The following PLCH2 variants were observed in gnomAD, a reference collection of about 807,000 sequenced individuals.
The protein encoded by PLCH2 is 1-phosphatidylinositol 4,5-bisphosphate phosphodiesterase eta-2.
In PLCH2, 98 loss-of-function variants were observed where a neutral mutation model predicts 134.7. The observed-to-expected ratio is 0.73, with a 90% CI of 0.62 to 0.86. The LOEUF (loss-of-function observed/expected upper bound fraction) is 0.86. Among genes scored for constraint, PLCH2 ranks in the 40% least tolerant of loss-of-function variants. PLCH2 has a pLI of 0.00. For synonymous variants in PLCH2, 974 were observed against 827.5 expected (o/e 1.18, Z -3.04); for missense variants, 1,994 against 1,986.6 (o/e 1.00, Z -0.07).
At chr1:2,420,368 GA>G in the PLCH2 span, among the ~76,000 whole-genome samples, 246 of 152,346 alleles carry the variant, frequency 1.6e-3, 2 homozygotes, top group Non-Finnish European at 2.9e-3. Flanking sequence ...CCTCCTTCGA[GA>G]GGTGGGTGTG....
At chr1:2,471,978 G>A (rs754457379), upstream of PLCH2, among the ~76,000 whole-genome samples, 27 of 152,126 alleles carry the variant, frequency 1.8e-4, no homozygotes, top group Non-Finnish European at 3.4e-4. Flanking sequence ...CTGTCCCTGC[G>A]GTGCCCTCCA....
chr1:2,444,905 G>C lies in PLCH2; in HGVS notation c.115+14276G>C, dbSNP rs1639871018. 6.6e-6 allele frequency among the ~76,000 whole-genome samples: 1 copy of C among 152,116 alleles called. No homozygotes were observed. The highest frequency in any genetic ancestry group is 2.4e-5 in the African/African-American group (1 of 41,410). ...GAGCCCATGGTGTCTGCCTGCCTGG[G>C]TGTCTGATCCTAGAGACTCCTTCAG... is the stretch of plus-strand genomic sequence containing the variant. On this transcript the variant is annotated intron_variant, in intron 2 of 3. Transcript: ENST00000609981. The surrounding 1 kb of genome is among the most constrained non-coding windows in gnomAD (Gnocchi z 4.6).
At position 2,497,567 on chromosome 1, in the gene PLCH2, G is replaced by C; in HGVS notation, c.2182G>C (p.Gly728Arg). ...QLNRAKFSAN[G>R]GCGYVLKPGC... Reference sequence around the variant, plus strand: ...GAACCGAGCCAAGTTCAGCGCCAACGGTGGCTGCGGCTACGTACTCAAGCC... The same window carrying C: ...GAACCGAGCCAAGTTCAGCGCCAACCGTGGCTGCGGCTACGTACTCAAGCC... The change falls in exon 16 of 22, where the codon GGT (glycine) becomes CGT (arginine). Residue 728 changes from glycine to arginine, a missense_variant. Coordinates refer to ENST00000378486, the MANE Select transcript of PLCH2 (RefSeq NM_014638.4). 2 of 1,564,224 alleles carry C rather than the reference G, an allele frequency of 1.3e-6. No homozygotes were observed. The highest frequency in any genetic ancestry group is 1.7e-6 in the Non-Finnish European group (2 of 1,154,882).
chr1:2,430,038 G>A (rs572273153), intron 1 of PLCH2, among the ~76,000 whole-genome samples: 2 of 152,312 alleles, frequency 1.3e-5, no homozygotes, highest in South Asian at 2.1e-4. Context: ...GGAAGCTGTG[G>A]CCTCGGGTCC....
Position 2,444,847 on chromosome 1 carries a change from G to T in PLCH2, c.115+14218G>T, listed in dbSNP as rs936728085. Among the ~76,000 whole-genome samples the T allele has an allele frequency of 2.0e-5, 3 of 152,008 alleles. No individual in the cohort carries two copies. Among genetic ancestry groups the T allele is most frequent in the African/African-American group, 7.3e-5 (3 of 41,376 alleles). ...CCCTGACACGTTGGTCTGGGGAGGC[G>T]GGGTCACGGTGCCCCAACACCCCTG... On this transcript the variant is annotated intron_variant, in intron 2 of 3. Coordinates refer to the PLCH2 transcript ENST00000609981. This position sits in a 1 kb window ranked among gnomAD's most constrained non-coding sequence, Gnocchi z 4.6.
At chr1:2,483,367 G>A (rs539540087) in intron 4 of PLCH2, among the ~76,000 whole-genome samples, 3 of 152,318 alleles carry the variant, frequency 2.0e-5, no homozygotes, top group Admixed American at 1.3e-4. Flanking sequence ...CACTGGGAGC[G>A]TAGGACCCCT....
chr1:2,442,676 C>T (rs1312372060), intron 2 of PLCH2, among the ~76,000 whole-genome samples: 2 of 152,174 alleles, frequency 1.3e-5, no homozygotes, highest in Non-Finnish European at 2.9e-5. Context: ...TGTGGGTGCA[C>T]GGGGCTGCCC....
At chr1:2,427,662 G>C (rs2100471661) in intron 1 of PLCH2, among the ~76,000 whole-genome samples, 1 of 152,306 alleles carries the variant, frequency 6.6e-6, no homozygotes, top group African/African-American at 2.4e-5. Context: ...GATGTCAGAG[G>C]AGCAGGCCGG....
chr1:2,469,022 G>C (rs1356467041), intron 1 of PLCH2, among the ~76,000 whole-genome samples: 1 of 151,954 alleles, frequency 6.6e-6, no homozygotes, highest in African/African-American at 2.4e-5. Context: ...GATGTAACCA[G>C]GGCTGCTGGG....
intron 12 of PLCH2, 60 bp from the exon 13 acceptor site, chr1:2,495,428 T>A: frequency 6.9e-7 from 1 of 1,452,468 alleles, no homozygotes; most frequent in Non-Finnish European, 9.4e-7. Flanking sequence ...CCCCCCAGCC[T>A]TCGCCAAGGC....
At chr1:2,494,806 C>A in intron 11 of PLCH2, 50 bp from the exon 12 acceptor site, 3 of 1,375,426 alleles carry the variant, frequency 2.2e-6, no homozygotes, top group African/African-American at 1.4e-5. Context: ...GGCCTCCCTG[C>A]CTGGTTCAAG....
chr1:2,465,716 G>A (rs1012970173), upstream of PLCH2, among the ~76,000 whole-genome samples: 1 of 152,216 alleles, frequency 6.6e-6, no homozygotes, highest in African/African-American at 2.4e-5. Context: ...TTTAATCACC[G>A]CCTTTAATCG....
chr1:2,473,129 G>A (rs938245273), upstream of PLCH2, among the ~76,000 whole-genome samples: 2 of 152,320 alleles, frequency 1.3e-5, no homozygotes, highest in Middle Eastern at 3.4e-3. Context: ...GACAGCGCGC[G>A]CTCTTCCTCT....
chr1:2,486,652 C>T (rs1570435195), intron 5 of PLCH2, among the ~76,000 whole-genome samples: 2 of 152,252 alleles, frequency 1.3e-5, no homozygotes, highest in East Asian at 1.9e-4. Flanking sequence ...CCACAGGTCT[C>T]GCACTGGTGT....
At position 2,505,132 on chromosome 1, in the gene PLCH2, T is replaced by C; in HGVS notation, c.4170T>C (p.Ser1390=). The part of the protein sequence containing the change: ...EGACSVGHEG[S]VDAPAPSKGA... Reference sequence around the variant, plus strand: ...CCTGCTCCGTGGGCCACGAGGGCAGTGTGGATGCACCAGCACCCTCCAAGG... The same window carrying C: ...CCTGCTCCGTGGGCCACGAGGGCAGCGTGGATGCACCAGCACCCTCCAAGG... Residue 1390 remains serine, a synonymous_variant, in exon 22 of 22, where the codon AGT becomes AGC. Coordinates refer to ENST00000378486, the MANE Select transcript of PLCH2 (RefSeq NM_014638.4). 1 of 1,556,370 alleles carries C rather than the reference T, an allele frequency of 6.4e-7. No homozygotes were observed. Among genetic ancestry groups the C allele is most frequent in the Non-Finnish European group, 8.6e-7 (1 of 1,160,426 alleles).
chr1:2,443,642 C>T (rs1367046037), intron 2 of PLCH2, among the ~76,000 whole-genome samples: 1 of 150,162 alleles, frequency 6.7e-6, no homozygotes, highest in Non-Finnish European at 1.5e-5. Context: ...CCGGTTGCGC[C>T]CGATCTGCCT....
chr1:2,435,648 C>T (rs1041517990), intron 2 of PLCH2, among the ~76,000 whole-genome samples: 2 of 152,056 alleles, frequency 1.3e-5, no homozygotes, highest in African/African-American at 2.4e-5. Context: ...GCTCTCAGAG[C>T]CCACAGCACG....
chr1:2,433,950 T>C (rs1639193196), intron 2 of PLCH2, among the ~76,000 whole-genome samples: 1 of 151,652 alleles, frequency 6.6e-6, no homozygotes, highest in Non-Finnish European at 1.5e-5. Flanking sequence ...GCTTTGAGTG[T>C]CTGCCTCATG....
At chr1:2,438,212 G>A (rs888197199) in intron 2 of PLCH2, among the ~76,000 whole-genome samples, 8 of 152,224 alleles carry the variant, frequency 5.3e-5, no homozygotes, top group Non-Finnish European at 1.2e-4. Flanking sequence ...GATGAACGGC[G>A]CTCGGCAGAC....
Sources: allele counts gnomAD v4.1 joint callset (sites outside exome capture counted in the v4.1 genomes callset), GRCh38; gene constraint gnomAD v4.1.1; non-coding constraint Gnocchi (gnomAD v3.1); transcripts MANE v1.5; gene names NCBI Gene and HGNC (gene_info 2026-07-23, HGNC 2026-07-21).